The following STIMATE variants were observed in gnomAD, a reference collection of about 807,000 sequenced individuals.
STIMATE encodes the protein STIM activating enhancer.
Under a neutral mutation model 36.7 loss-of-function variants are expected in STIMATE, and 15 were observed. The observed-to-expected ratio is 0.41, with a 90% confidence interval of 0.27 to 0.63. The LOEUF (loss-of-function observed/expected upper bound fraction) is 0.63, where lower values mean the gene tolerates loss of function less well. Ranked by LOEUF, STIMATE falls within the 20% of genes least tolerant of loss-of-function variation. The pLI is 0.32. For synonymous variants in STIMATE, 163 were observed against 162.3 expected (o/e 1.00, Z -0.03); for missense variants, 305 against 397.3 (o/e 0.77, Z 1.98).
chr3:52,892,215 T>A (rs1349801397), intron 1 of STIMATE, among the ~76,000 whole-genome samples: 1 of 152,238 alleles, frequency 6.6e-6, no homozygotes, highest in African/African-American at 2.4e-5. Context: ...ACAGAGGTAT[T>A]CAAAAGTTTA....
chr3:52,865,766 C>G (rs1407865407), intron 1 of STIMATE, among the ~76,000 whole-genome samples: 1 of 152,204 alleles, frequency 6.6e-6, no homozygotes, highest in Non-Finnish European at 1.5e-5. Context: ...AGTGAAAAGT[C>G]TCCCTTCTGG....
At chr3:52,892,311 T>A (rs1443073085) in intron 1 of STIMATE, among the ~76,000 whole-genome samples, 1 of 152,170 alleles carries the variant, frequency 6.6e-6, no homozygotes, top group African/African-American at 2.4e-5. Context: ...TTATTCGAAA[T>A]TAATGAAGTT....
rs143835121 is a variant in STIMATE at position 52,851,554 on chromosome 3, C to A, written c.305+1049G>T. On this transcript the variant is annotated intron_variant, in intron 3 of 7. Transcript: ENST00000355083. The stretch of plus-strand genomic sequence containing the variant: ...GGAGGGGGCATTTCTCCTGCCTGCC[C>A]TTCCTCTGTAAAATCACAAGGGGTC... Among the ~76,000 whole-genome samples the A allele has an allele frequency of 2.4e-4, 36 of 152,362 alleles. No individual in the cohort carries two copies. In the East Asian group the frequency reaches 6.8e-3, roughly 29 times the overall value.
intron 1 of STIMATE, among the ~76,000 whole-genome samples, chr3:52,866,431 G>A (rs756508937): frequency 1.9e-4 from 29 of 152,098 alleles, no homozygotes; most frequent in African/African-American, 3.9e-4. Context: ...CTCTCCTCTC[G>A]GACATGAGCC....
intron 1 of STIMATE, among the ~76,000 whole-genome samples, chr3:52,861,622 C>T (rs1417592822): frequency 6.6e-6 from 1 of 152,198 alleles, no homozygotes; most frequent in African/African-American, 2.4e-5. Flanking sequence ...ATGGAAATGT[C>T]AGTGATGAAC....
intron 1 of STIMATE, among the ~76,000 whole-genome samples, chr3:52,891,552 G>A (rs762660253): frequency 1.3e-4 from 20 of 152,158 alleles, no homozygotes; most frequent in South Asian, 2.1e-4. Flanking sequence ...GGGCCCTGCC[G>A]GTAAAAACAC....
intron 1 of STIMATE, among the ~76,000 whole-genome samples, chr3:52,891,942 G>C (rs1701788915): frequency 6.6e-6 from 1 of 152,166 alleles, no homozygotes; most frequent in Admixed American, 6.5e-5. Context: ...AGAAAAGACA[G>C]ATTATTACCA....
At chr3:52,896,604 T>C (rs796808303) in intron 1 of STIMATE, among the ~76,000 whole-genome samples, 9 of 152,218 alleles carry the variant, frequency 5.9e-5, no homozygotes, top group African/African-American at 2.2e-4. Context: ...CAGGGGAAGC[T>C]ATAGATGCGG....
At chr3:52,873,735 T>C (rs968234939) in intron 1 of STIMATE, among the ~76,000 whole-genome samples, 1 of 152,144 alleles carries the variant, frequency 6.6e-6, no homozygotes, top group African/African-American at 2.4e-5. Context: ...AATGAGGGCT[T>C]GTTAGTGTAC....
At chr3:52,842,762 G>A in intron 7 of STIMATE, 49 bp downstream of exon 7, 9 of 1,611,560 alleles carry the variant, frequency 5.6e-6, no homozygotes, top group Non-Finnish European at 6.8e-6. Context: ...GACCCCCTTG[G>A]GCCAGCGATA....
intron 1 of STIMATE, among the ~76,000 whole-genome samples, chr3:52,882,040 C>T (rs1701614183): frequency 6.6e-6 from 1 of 152,234 alleles, no homozygotes; most frequent in South Asian, 2.1e-4. Flanking sequence ...GTAGTTCTGG[C>T]TCATGTTCTC....
intron 1 of STIMATE, among the ~76,000 whole-genome samples, chr3:52,884,486 T>C (rs1575348596): frequency 6.6e-6 from 1 of 152,092 alleles, no homozygotes; most frequent in African/African-American, 2.4e-5. Context: ...CCTCAAGTGA[T>C]CCACCCGCCA....
intron 7 of STIMATE, among the ~76,000 whole-genome samples, chr3:52,842,496 T>C (rs1204556791): frequency 6.6e-6 from 1 of 152,202 alleles, no homozygotes; most frequent in Non-Finnish European, 1.5e-5. Context: ...TGACGGTCCT[T>C]GCCAGCTCAC....
chr3:52,849,931 A>G lies in STIMATE; in HGVS notation c.306-18T>C, dbSNP rs1297285447. The stretch of plus-strand genomic sequence containing the variant: ...TGAGGTACCTGTGAGGACAGGGCAC[A>G]TGCATGGTCACGGCAGAAGCCACGG... On this transcript the variant is annotated intron_variant, in intron 3 of 7. Coordinates refer to ENST00000355083, the MANE Select transcript of STIMATE (RefSeq NM_198563.5). The G allele has an allele frequency of 4.3e-6, 7 of 1,609,844 alleles. No homozygotes were observed. The highest frequency in any genetic ancestry group is 2.2e-5 in the East Asian group (1 of 44,718).
chr3:52,875,201 A>G (rs1701480866), intron 1 of STIMATE, among the ~76,000 whole-genome samples: 2 of 152,224 alleles, frequency 1.3e-5, no homozygotes, highest in African/African-American at 4.8e-5. Context: ...ACTACCTCTT[A>G]AAAATTAACA....
At chr3:52,880,968 C>T (rs1364209320) in intron 1 of STIMATE, among the ~76,000 whole-genome samples, 1 of 152,106 alleles carries the variant, frequency 6.6e-6, no homozygotes, top group African/African-American at 2.4e-5. Flanking sequence ...GCAGGTGGAT[C>T]ACTTGAGGTC....
chr3:52,896,055 A>G (rs1221563457), intron 1 of STIMATE: 4 of 734,358 alleles, frequency 5.4e-6, no homozygotes, highest in East Asian at 1.3e-4. Flanking sequence ...TTGGGCACTT[A>G]TAAGACTTAT....
Position 52,837,585 on chromosome 3 carries a change from T to A in STIMATE, c.*2909A>T, listed in dbSNP as rs1018497486. On this transcript the variant is annotated 3_prime_UTR_variant, in exon 8 of 8. Transcript: ENST00000355083. ...CTCTGACAGCAAAAGGAAGTAACAG[T>A]ACCAACCACCTCTTCCATTTGGATA... 2.0e-5 allele frequency: 3 copies of A among 152,324 alleles called. No homozygotes were observed. Among genetic ancestry groups the A allele is most frequent in the Admixed American group, 6.5e-5 (1 of 15,288 alleles). 9.4% of individuals were successfully genotyped at this position (152,324 alleles called of 1,614,324 possible).
In STIMATE at chr3:52,840,714, T is replaced by G. The variant is rs531757045; in HGVS notation, c.769-104A>C. On this transcript the variant is annotated intron_variant, in intron 7 of 7. Coordinates refer to ENST00000355083, the MANE Select transcript of STIMATE (RefSeq NM_198563.5). ...TCAAGTCTCATGTTTTTTTTTTTTT[T>G]TTTTGGACAGAGTCTCACCCTGTCA... 3 of 1,155,698 alleles carry G rather than the reference T, an allele frequency of 2.6e-6. No individual in the cohort carries two copies. The South Asian group carries it at 4.8e-5, about 19-fold the overall frequency. The allele number at this position is 1,155,698 out of a possible 1,614,324, so 71.6% of individuals were successfully genotyped here. A position where few individuals can be genotyped will look rare whatever the true frequency, so the allele number is the denominator to read the frequency against.
Sources: gnomAD v4.1 joint callset for allele counts (sites outside exome capture counted in the v4.1 genomes callset) on GRCh38, gnomAD v4.1.1 for gene constraint, MANE v1.5 for transcripts, NCBI Gene and HGNC (gene_info 2026-07-23, HGNC 2026-07-21) for gene names.